Variants in ASCC3 observed in about 807,000 individuals in gnomAD.
ASCC3 encodes activating signal cointegrator 1 complex subunit 3, also known as ASC-1 complex subunit P200.
In ASCC3, 158 loss-of-function variants were observed where a neutral mutation model predicts 256.3. The observed-to-expected ratio is 0.62, with a 90% CI of 0.54 to 0.70. The LOEUF (loss-of-function observed/expected upper bound fraction) is 0.70. Ranked by LOEUF, ASCC3 falls within the 30% of genes least tolerant of loss-of-function variation. ASCC3 has a pLI of 0.00. For missense variants in ASCC3, 2,259 were observed against 2,626.0 expected, an observed-to-expected ratio of 0.86 and a Z score of 3.05; for synonymous variants, 948 against 883.4, an observed-to-expected ratio of 1.07 and a Z score of -1.30.
At chr6:100,858,447 G>T in intron 3 of ASCC3, 1 of 517,028 alleles carries the variant, frequency 1.9e-6, no homozygotes, top group Non-Finnish European at 2.5e-6. Context: ...TTTTCTCCAA[G>T]TTTTTTATAG....
intron 10 of ASCC3, among the ~76,000 whole-genome samples, chr6:100,760,597 T>C (rs1379915011): frequency 6.6e-6 from 1 of 152,076 alleles, no homozygotes; most frequent in Non-Finnish European, 1.5e-5. Flanking sequence ...TTGAAACAAA[T>C]TAAAAAATAG....
chr6:100,624,759 A>G (rs1774144001), intron 30 of ASCC3, among the ~76,000 whole-genome samples: 1 of 152,030 alleles, frequency 6.6e-6, no homozygotes, highest in African/African-American at 2.4e-5. Flanking sequence ...CTGCATAGAC[A>G]CAAAAATTCT....
chr6:100,801,073 AAC>A (rs1478456467), intron 5 of ASCC3, among the ~76,000 whole-genome samples: 2 of 152,072 alleles, frequency 1.3e-5, no homozygotes, highest in African/African-American at 4.8e-5. Context: ...TTTTTACGGA[AAC>A]ACAGTTTTTT....
Position 100,509,286 on chromosome 6 carries a change from T to A in ASCC3, c.*100A>T, listed in dbSNP as rs1773638757. ...TTTCCTGGATGGTTGAGGTTAGAAG[T>A]TGATTCTTTCAAGGCAAACATCAAG... On this transcript the variant is annotated 3_prime_UTR_variant, in exon 42 of 42. Coordinates refer to ENST00000369162, the MANE Select transcript of ASCC3 (RefSeq NM_006828.4). 6.6e-7 allele frequency: 1 copy of A among 1,515,302 alleles called. No individual in the cohort carries two copies. The highest frequency in any genetic ancestry group is 2.0e-4 in the Middle Eastern group (1 of 4,884). The allele number at this position is 1,515,302 out of a possible 1,614,324, so 93.9% of individuals were successfully genotyped here.
intron 10 of ASCC3, among the ~76,000 whole-genome samples, chr6:100,744,800 A>G (rs556481240): frequency 6.6e-6 from 1 of 152,364 alleles, no homozygotes; most frequent in South Asian, 2.1e-4. Context: ...CATATGATGC[A>G]GAGAGCATTC....
At chr6:100,690,774 T>C (rs1438734207) in intron 13 of ASCC3, among the ~76,000 whole-genome samples, 1 of 152,180 alleles carries the variant, frequency 6.6e-6, no homozygotes, top group Non-Finnish European at 1.5e-5. Flanking sequence ...AATAGTGAGA[T>C]GTGGTTCCAC....
intron 36 of ASCC3, among the ~76,000 whole-genome samples, chr6:100,561,509 C>G (rs1370952466): frequency 2.6e-5 from 4 of 152,106 alleles, no homozygotes; most frequent in South Asian, 2.1e-4. Flanking sequence ...TCACCCACGT[C>G]ACTTTGGTGC....
chr6:100,876,230 G>A (rs1167130256), intron 1 of ASCC3, among the ~76,000 whole-genome samples: 1 of 152,118 alleles, frequency 6.6e-6, no homozygotes. Flanking sequence ...GAAAAACATG[G>A]TAAAAGGGAG....
intron 37 of ASCC3, among the ~76,000 whole-genome samples, chr6:100,525,650 G>A (rs1354953046): frequency 6.6e-6 from 1 of 152,066 alleles, no homozygotes; most frequent in Non-Finnish European, 1.5e-5. Flanking sequence ...AATAAGTATA[G>A]ACTTTAGTTA....
At chr6:100,607,334 AT>A (rs1772949562) in intron 30 of ASCC3, among the ~76,000 whole-genome samples, 1 of 152,084 alleles carries the variant, frequency 6.6e-6, no homozygotes, top group South Asian at 2.1e-4. Flanking sequence ...AAGAAAAAAA[AT>A]CTGTAGATAA....
chr6:100,696,716 AAAC>A (rs1419353668), intron 13 of ASCC3, among the ~76,000 whole-genome samples: 1 of 152,074 alleles, frequency 6.6e-6, no homozygotes, highest in Non-Finnish European at 1.5e-5. Context: ...GGCTATACTT[AAAC>A]AACAATAAAT....
chr6:100,807,612 G>A (rs1291213663), intron 4 of ASCC3, among the ~76,000 whole-genome samples: 1 of 151,864 alleles, frequency 6.6e-6, no homozygotes, highest in African/African-American at 2.4e-5. Context: ...CATAAATCAA[G>A]CTAATAGTGT....
intron 4 of ASCC3, among the ~76,000 whole-genome samples, chr6:100,822,534 TCC>T (rs78082547): frequency 5.8e-5 from 5 of 86,228 alleles, no homozygotes; most frequent in African/African-American, 1.3e-4. Flanking sequence ...AGACTCCGTC[TCC>T]AAAAAAAAAA....
At chr6:100,731,549 G>A (rs961633189) in intron 10 of ASCC3, among the ~76,000 whole-genome samples, 8 of 152,174 alleles carry the variant, frequency 5.3e-5, no homozygotes, top group African/African-American at 1.9e-4. Context: ...TAGAGCAGGC[G>A]TCTGCTACAA....
intron 10 of ASCC3, among the ~76,000 whole-genome samples, chr6:100,757,358 T>G (rs1781228547): frequency 6.6e-6 from 1 of 152,110 alleles, no homozygotes; most frequent in Non-Finnish European, 1.5e-5. Flanking sequence ...TATAATTCAC[T>G]AGAAAAGGCT....
chr6:100,634,506 G>C (rs1774727812), intron 25 of ASCC3, among the ~76,000 whole-genome samples: 1 of 152,004 alleles, frequency 6.6e-6, no homozygotes, highest in Non-Finnish European at 1.5e-5. Flanking sequence ...CTAATAAAAA[G>C]TTATAATCCA....
At chr6:100,809,173 C>CA (rs542175974) in intron 4 of ASCC3, among the ~76,000 whole-genome samples, 5,969 of 143,138 alleles carry the variant, frequency 0.042, 145 homozygotes, top group African/African-American at 0.059. Context: ...TTTATTTTTT[C>CA]AAAAAAAAAA....
Position 100,631,220 on chromosome 6 carries a change from A to G in ASCC3, c.4123-7T>C, listed in dbSNP as rs200521176. ...GGGGTGCAATATATACCGCCTAAAA[A>G]GGGGAGAATAGCCAAAAATACTCTT... is the stretch of plus-strand genomic sequence containing the variant. On this transcript the variant is annotated splice_polypyrimidine_tract_variant and splice_region_variant and intron_variant, in intron 25 of 41. Transcript: ENST00000369162. 86 of 1,597,402 alleles carry G rather than the reference A, an allele frequency of 5.4e-5. No individual in the cohort carries two copies. In the African/African-American group the frequency reaches 1.0e-3, roughly 19 times the overall value.
rs1771893423 is a variant in ASCC3 at position 100,589,729 on chromosome 6, C to T, written c.5455G>A (p.Ala1819Thr). The T allele has an allele frequency of 6.2e-7, 1 of 1,613,538 alleles. No individual in the cohort carries two copies. Among genetic ancestry groups the T allele is most frequent in the Admixed American group, 1.7e-5 (1 of 59,980 alleles). The change falls in exon 36 of 42, where the codon GCC becomes ACC. Residue 1819 changes from alanine to threonine, a missense_variant. Coordinates refer to ENST00000369162, the MANE Select transcript of ASCC3 (RefSeq NM_006828.4). ...TGATGCTTCAAATAGTAATAGGAGGCAATTCGGCCATAAGTTAGAGGTTCA... is the reference window on the plus strand; with the variant it reads ...TGATGCTTCAAATAGTAATAGGAGGTAATTCGGCCATAAGTTAGAGGTTCA... ...SIEPLTYGRI[A>T]SYYYLKHQTV...
Sources: gnomAD v4.1 joint callset for allele counts (sites outside exome capture counted in the v4.1 genomes callset) on GRCh38, gnomAD v4.1.1 for gene constraint, MANE v1.5 for transcripts, NCBI Gene and HGNC (gene_info 2026-07-23, HGNC 2026-07-21) for gene names.